Variants in PCDH9 observed in about 807,000 individuals in gnomAD.
PCDH9 encodes protocadherin 9.
In PCDH9, 24 loss-of-function variants were observed where a neutral mutation model predicts 70.6. That is an observed-to-expected ratio of 0.34 (90% CI 0.25 to 0.48). PCDH9 has a LOEUF of 0.48. Ranked by LOEUF, PCDH9 falls within the 20% of genes least tolerant of loss-of-function variation. PCDH9 has a pLI of 0.99. For missense variants in PCDH9, 1,281 were observed against 1,503.6 expected, an observed-to-expected ratio of 0.85 and a Z score of 2.45; for synonymous variants, 562 against 558.5, an observed-to-expected ratio of 1.01 and a Z score of -0.09.
At chr13:66,711,296 A>G (rs1282843740) in intron 3 of PCDH9, among the ~76,000 whole-genome samples, 2 of 151,866 alleles carry the variant, frequency 1.3e-5, no homozygotes, top group Non-Finnish European at 2.9e-5. Flanking sequence ...TGTTAAGACC[A>G]TTGGGTCTGT....
chr13:66,990,498 A>G (rs2083979692), intron 2 of PCDH9, among the ~76,000 whole-genome samples: 1 of 150,908 alleles, frequency 6.6e-6, no homozygotes, highest in Non-Finnish European at 1.5e-5. Flanking sequence ...TATATGTAAA[A>G]GAATATATCA....
intron 4 of PCDH9, among the ~76,000 whole-genome samples, chr13:66,586,992 A>T (rs986335810): frequency 3.9e-5 from 6 of 152,094 alleles, no homozygotes; most frequent in Non-Finnish European, 8.8e-5. Flanking sequence ...TGAAAATAAA[A>T]TTAATATATT....
At chr13:66,354,459 AATG>A (rs1956345776) in intron 4 of PCDH9, among the ~76,000 whole-genome samples, 1 of 152,038 alleles carries the variant, frequency 6.6e-6, no homozygotes, top group African/African-American at 2.4e-5. Context: ...TGATCTTGAG[AATG>A]ATATTTTTAA....
At chr13:66,998,879 G>A (rs368833790) in intron 2 of PCDH9, among the ~76,000 whole-genome samples, 6 of 152,096 alleles carry the variant, frequency 3.9e-5, no homozygotes, top group East Asian at 3.9e-4. Context: ...CAATGAAAGC[G>A]CCACAAAATG....
chr13:66,600,736 A>G (rs541904605), intron 4 of PCDH9, among the ~76,000 whole-genome samples: 1 of 115,302 alleles, frequency 8.7e-6, no homozygotes, highest in East Asian at 2.0e-4. Context: ...ATGAATGTAT[A>G]ATAACATTTT....
intron 4 of PCDH9, among the ~76,000 whole-genome samples, chr13:66,619,148 T>C (rs993106086): frequency 2.0e-5 from 3 of 152,132 alleles, no homozygotes; most frequent in Non-Finnish European, 4.4e-5. Flanking sequence ...TTAAGTAATA[T>C]TATAGAAGAT....
intron 4 of PCDH9, among the ~76,000 whole-genome samples, chr13:66,627,841 T>G (rs925276400): frequency 1.3e-5 from 2 of 152,202 alleles, no homozygotes; most frequent in African/African-American, 4.8e-5. Flanking sequence ...TTCGTTTGTT[T>G]GCTTTTATTT....
intron 2 of PCDH9, among the ~76,000 whole-genome samples, chr13:67,173,384 T>C (rs1206962367): frequency 6.6e-6 from 1 of 152,146 alleles, no homozygotes; most frequent in African/African-American, 2.4e-5. Flanking sequence ...GGTGAATAAC[T>C]TAGTCCCTTG....
At chr13:66,609,008 G>A (rs764410712) in intron 4 of PCDH9, among the ~76,000 whole-genome samples, 1 of 152,144 alleles carries the variant, frequency 6.6e-6, no homozygotes, top group African/African-American at 2.4e-5. Context: ...AACTTGGCAT[G>A]TATTAAGTGA....
chr13:66,507,004 T>G (rs1201793607), intron 4 of PCDH9, among the ~76,000 whole-genome samples: 1 of 152,250 alleles, frequency 6.6e-6, no homozygotes, highest in Admixed American at 6.5e-5. Flanking sequence ...GACTTGCATA[T>G]TTTTATTGTT....
intron 4 of PCDH9, among the ~76,000 whole-genome samples, chr13:66,500,134 T>C (rs970274582): frequency 3.3e-5 from 5 of 152,332 alleles, no homozygotes; most frequent in Admixed American, 2.6e-4. Context: ...CTATTTCTAT[T>C]AGATAATATA....
chr13:66,836,452 G>A (rs753700036), intron 3 of PCDH9, among the ~76,000 whole-genome samples: 1 of 151,948 alleles, frequency 6.6e-6, no homozygotes, highest in African/African-American at 2.4e-5. Context: ...AGTCTTATCT[G>A]CCTATCAAAC....
intron 3 of PCDH9, among the ~76,000 whole-genome samples, chr13:66,765,932 T>C (rs1294065524): frequency 6.6e-6 from 1 of 152,174 alleles, no homozygotes; most frequent in East Asian, 1.9e-4. Context: ...TAGTGCACTA[T>C]CTTTGTTAGC....
intron 2 of PCDH9, among the ~76,000 whole-genome samples, chr13:67,022,789 C>CTCCGTTAGAGAAAAAAAAAGAGTATTGCT (rs2084703675): frequency 6.6e-6 from 1 of 151,526 alleles, no homozygotes; most frequent in Non-Finnish European, 1.5e-5. Flanking sequence ...GTGGTGTCCT[C>CTCCGTTAGAGAAAAAAAAAGAGTATTGCT]TCCGTTAGAG....
At chr13:66,758,571 C>T (rs895258241) in intron 3 of PCDH9, among the ~76,000 whole-genome samples, 2 of 151,816 alleles carry the variant, frequency 1.3e-5, no homozygotes, top group African/African-American at 4.8e-5. Flanking sequence ...GTAATTTTAA[C>T]AAGTGGTCTT....
chr13:66,354,901 A>C (rs1956353555), intron 4 of PCDH9, among the ~76,000 whole-genome samples: 1 of 152,092 alleles, frequency 6.6e-6, no homozygotes, highest in South Asian at 2.1e-4. Context: ...ATTATATTCC[A>C]GGGCTTGTAT....
intron 2 of PCDH9, among the ~76,000 whole-genome samples, chr13:67,027,141 A>T (rs916004049): frequency 3.3e-5 from 5 of 152,104 alleles, no homozygotes; most frequent in African/African-American, 1.2e-4. Context: ...AGCTGGAGGC[A>T]TCACACTACC....
At chr13:66,948,716 T>A (rs991696586) in intron 2 of PCDH9, among the ~76,000 whole-genome samples, 7 of 152,078 alleles carry the variant, frequency 4.6e-5, no homozygotes, top group African/African-American at 1.7e-4. Context: ...CAAGGAGGAA[T>A]CTTGAACTCA....
intron 2 of PCDH9, among the ~76,000 whole-genome samples, chr13:66,940,509 T>C (rs1181479798): frequency 6.6e-6 from 1 of 152,158 alleles, no homozygotes; most frequent in African/African-American, 2.4e-5. Context: ...TAGTACCTTA[T>C]TAATCACTAT....
Sources: allele counts gnomAD v4.1 joint callset (sites outside exome capture counted in the v4.1 genomes callset), GRCh38; gene constraint gnomAD v4.1.1; transcripts MANE v1.5; gene names NCBI Gene and HGNC (gene_info 2026-07-23, HGNC 2026-07-21).